Variants in DDI2 observed in about 807,000 individuals in gnomAD.
DDI2 encodes DDI proteasomal shuttling factor 2.
A neutral mutation model predicts 48.1 loss-of-function variants in DDI2; 5 were observed. The ratio of observed to expected loss-of-function variants is 0.10; its 90% CI spans 0.05 to 0.22. The LOEUF (loss-of-function observed/expected upper bound fraction) is 0.22, where lower values mean the gene tolerates loss of function less well. DDI2 is among the 10% of genes least tolerant of loss of function. The pLI, the probability that DDI2 is intolerant of heterozygous loss-of-function variation, is 1.00. For synonymous variants in DDI2, 205 were observed against 183.6 expected (o/e 1.12, Z -0.94); for missense variants, 285 against 506.2 (o/e 0.56, Z 4.19).
At chr1:15,656,231 G>GA (rs1042074362) in intron 8 of DDI2, among the ~76,000 whole-genome samples, 3 of 152,152 alleles carry the variant, frequency 2.0e-5, no homozygotes, top group African/African-American at 7.2e-5. Context: ...TCTCAGCTGA[G>GA]AAAGAAATTT....
rs1639957590 is a variant in DDI2, at chr1:15,638,430, C to T, written c.756C>T (p.Asp252=). ...VNGHPVKAFV[D]SGAQMTIMSQ... is the part of the protein sequence containing the mutation. ...GACATCCTGTGAAAGCCTTTGTTGA[C>T]TCAGGTGACGTCTCTGTCTTTTATT... Residue 252 remains aspartate (D), a synonymous_variant, in exon 5 of 10, where the codon GAC becomes GAT. Transcript: ENST00000480945. The T allele has an allele frequency of 6.2e-7, 1 of 1,612,984 alleles. No homozygotes were observed. The highest frequency in any genetic ancestry group is 1.7e-5 in the Admixed American group (1 of 59,910).
chr1:15,655,998 T>TAA (rs150424481), intron 8 of DDI2, among the ~76,000 whole-genome samples: 2 of 150,370 alleles, frequency 1.3e-5, no homozygotes, highest in South Asian at 2.1e-4. Context: ...TAAAATGTTT[T>TAA]AAAAAAAAAA....
intron 4 of DDI2, among the ~76,000 whole-genome samples, chr1:15,635,562 C>T (rs565588082): frequency 5.3e-5 from 8 of 152,240 alleles, no homozygotes; most frequent in East Asian, 3.9e-4. Context: ...TGTACCACCA[C>T]GCCCGGCTAT....
chr1:15,654,490 A>C (rs181232179), intron 8 of DDI2, among the ~76,000 whole-genome samples: 1 of 152,014 alleles, frequency 6.6e-6, no homozygotes, highest in African/African-American at 2.4e-5. Flanking sequence ...TTGTTTCTAC[A>C]AGAAATTTAA....
Position 15,661,462 on chromosome 1 carries a change from G to C in DDI2, c.*1672G>C, listed in dbSNP as rs769028674. On this transcript the variant is annotated 3_prime_UTR_variant, in exon 10 of 10. Coordinates refer to ENST00000480945, the MANE Select transcript of DDI2 (RefSeq NM_032341.5). ...CTTAGGTCAGGGCATACAGAATTCA[G>C]TAACAGACAGGCCTGAAACCAGAGA... The C allele has an allele frequency of 6.2e-7, 1 of 1,613,908 alleles. No homozygotes were observed. Among genetic ancestry groups the C allele is most frequent in the Non-Finnish European group, 8.5e-7 (1 of 1,179,910 alleles).
Position 15,617,622 on chromosome 1 carries a change from C to T in DDI2, c.-49C>T. On this transcript the variant is annotated 5_prime_UTR_variant, in exon 1 of 10. Coordinates refer to ENST00000480945, the MANE Select transcript of DDI2 (RefSeq NM_032341.5). ...ACGCCGCCGCCTCTTCCCCTGCGCC[C>T]CGCGCCCAGGCCGGGCCGAGCCGAG... 2 of 1,299,402 alleles carry T rather than the reference C, an allele frequency of 1.5e-6. No individual in the cohort carries two copies. Among genetic ancestry groups the T allele is most frequent in the Non-Finnish European group, 2.0e-6 (2 of 1,017,412 alleles). The allele number at this position is 1,299,402 out of a possible 1,614,324, so 80.5% of individuals were successfully genotyped here. A position where few individuals can be genotyped will look rare whatever the true frequency, so the allele number is the denominator to read the frequency against.
intron 2 of DDI2, among the ~76,000 whole-genome samples, chr1:15,628,238 C>T (rs1639788420): frequency 6.6e-6 from 1 of 152,072 alleles, no homozygotes; most frequent in African/African-American, 2.4e-5. Context: ...AAAGAGGGCC[C>T]ACCCATATAT....
In DDI2 at chr1:15,661,863, T is replaced by A. The variant is rs1369548464; in HGVS notation, c.*2073T>A. On this transcript the variant is annotated 3_prime_UTR_variant, in exon 10 of 10. Coordinates refer to ENST00000480945, the MANE Select transcript of DDI2 (RefSeq NM_032341.5). ...GCAGAATGTTGAGCCAGATTTTTTT[T>A]AAAGATTTTTTTCGGCCAAAGTAAT... 8.1e-7 allele frequency: 1 copy of A among 1,233,996 alleles called. No individual in the cohort carries two copies. The highest frequency in any genetic ancestry group is 1.1e-6 in the Non-Finnish European group (1 of 949,330). 76.4% of individuals were successfully genotyped at this position (1,233,996 alleles called of 1,614,324 possible).
At chr1:15,618,114 G>C (rs1300184715) in intron 1 of DDI2, among the ~76,000 whole-genome samples, 1 of 152,146 alleles carries the variant, frequency 6.6e-6, no homozygotes, top group African/African-American at 2.4e-5. Context: ...TTGGCTCTTT[G>C]GCCCTTCCCT....
chr1:15,626,856 T>TAGCACCTCAG, intron 2 of DDI2, 58 bp downstream of exon 2: 1 of 1,608,750 alleles, frequency 6.2e-7, no homozygotes. Flanking sequence ...TAGCAGAGCA[T>TAGCACCTCAG]AGCACCTCAG....
At chr1:15,649,473 C>T (rs1305230967) in intron 6 of DDI2, among the ~76,000 whole-genome samples, 1 of 152,154 alleles carries the variant, frequency 6.6e-6, no homozygotes, top group Admixed American at 6.5e-5. Context: ...GAGTTTGAGA[C>T]CAGCCTGACC....
rs1640426742 is a variant in DDI2 at position 15,664,751 on chromosome 1, CAGAG to C, written c.*4967_*4970del. The C allele has an allele frequency of 6.6e-6, 1 of 152,160 alleles. No individual in the cohort carries two copies. Among genetic ancestry groups the C allele is most frequent in the South Asian group, 2.1e-4 (1 of 4,828 alleles). The allele number at this position is 152,160 out of a possible 1,614,324, so 9.4% of individuals were successfully genotyped here. A position where few individuals can be genotyped will look rare whatever the true frequency, so the allele number is the denominator to read the frequency against. On this transcript the variant is annotated 3_prime_UTR_variant, in exon 10 of 10. Transcript: ENST00000480945. The stretch of plus-strand genomic sequence containing the variant: ...ACAAGGGCGGTCTCTGTTTCTTCAC[CAGAG>C]AGAGAAGATTTTCCTGTGTAATTTG...
intron 3 of DDI2, among the ~76,000 whole-genome samples, chr1:15,631,955 A>G (rs1199155875): frequency 6.6e-6 from 1 of 151,802 alleles, no homozygotes; most frequent in African/African-American, 2.4e-5. Flanking sequence ...ACAGGCGTGC[A>G]CCACCACACC....
At chr1:15,644,980 C>G (rs532562266) in intron 6 of DDI2, among the ~76,000 whole-genome samples, 2 of 152,186 alleles carry the variant, frequency 1.3e-5, no homozygotes, top group Admixed American at 6.5e-5. Context: ...ACCTCCGCCT[C>G]CCGGGTTCAA....
chr1:15,621,335 T>C (rs1009516991), intron 1 of DDI2, among the ~76,000 whole-genome samples: 31 of 152,134 alleles, frequency 2.0e-4, no homozygotes, highest in African/African-American at 6.8e-4. Context: ...GCAGTAATTG[T>C]ATGATCTTGG....
Position 15,660,656 on chromosome 1 carries a change from A to G in DDI2, c.*866A>G, listed in dbSNP as rs1180543934. 6.2e-7 allele frequency: 1 copy of G among 1,614,234 alleles called. No homozygotes were observed. The highest frequency in any genetic ancestry group is 1.7e-5 in the Admixed American group (1 of 60,032). ...CAACAGTCCCTAGTTACTTTGCTTA[A>G]TTCAACAGGCAGGCAGAATGCCAAT... is the stretch of plus-strand genomic sequence containing the variant. On this transcript the variant is annotated 3_prime_UTR_variant, in exon 10 of 10. Coordinates refer to ENST00000480945, the MANE Select transcript of DDI2 (RefSeq NM_032341.5).
intron 3 of DDI2, among the ~76,000 whole-genome samples, chr1:15,632,184 A>G (rs1317618058): frequency 1.3e-5 from 2 of 152,202 alleles, no homozygotes; most frequent in Non-Finnish European, 2.9e-5. Flanking sequence ...AACCATTGTC[A>G]TAATATCTTT....
chr1:15,621,393 C>T (rs964468830), intron 1 of DDI2, among the ~76,000 whole-genome samples: 4 of 151,922 alleles, frequency 2.6e-5, no homozygotes, highest in African/African-American at 9.7e-5. Context: ...ATTTTATCTT[C>T]TGTGTGTTTG....
chr1:15,633,404 G>A lies in DDI2; in HGVS notation c.506-35G>A, dbSNP rs774765639. The A allele has an allele frequency of 1.0e-5, 16 of 1,605,636 alleles. No individual in the cohort carries two copies. The Admixed American group carries it at 1.5e-4, about 15-fold the overall frequency. On this transcript the variant is annotated intron_variant, in intron 3 of 9. Coordinates refer to ENST00000480945, the MANE Select transcript of DDI2 (RefSeq NM_032341.5). ...AGTACTGATAAACGTTGAAAATATA[G>A]TGATATTTAAGATTTTTCTCCCTTA...
Sources: gnomAD v4.1 joint callset for allele counts (sites outside exome capture counted in the v4.1 genomes callset) on GRCh38, gnomAD v4.1.1 for gene constraint, MANE v1.5 for transcripts, NCBI Gene and HGNC (gene_info 2026-07-23, HGNC 2026-07-21) for gene names.